Variants in GIP observed in about 807,000 individuals in gnomAD.
The protein encoded by GIP is glucose-dependent insulinotropic polypeptide.
Under a neutral mutation model 18.1 loss-of-function variants are expected in GIP, and 16 were observed. That is an observed-to-expected ratio of 0.88 (90% CI 0.60 to 1.34). GIP has a LOEUF of 1.34. GIP is among the 40% of genes most tolerant of loss of function. GIP has a pLI of 0.00. For synonymous variants in GIP, 76 were observed against 74.0 expected, an observed-to-expected ratio of 1.03 and a Z score of -0.14; for missense variants, 192 against 183.4, an observed-to-expected ratio of 1.05 and a Z score of -0.27.
At chr17:48,966,192 G>A (rs1398364135) in intron 2 of GIP, among the ~76,000 whole-genome samples, 1 of 151,122 alleles carries the variant, frequency 6.6e-6, no homozygotes, top group Non-Finnish European at 1.5e-5. Context: ...GGGAGGCGGA[G>A]GTTGCAGTGA....
chr17:48,966,346 A>G (rs1222040336), intron 2 of GIP, among the ~76,000 whole-genome samples: 1 of 151,600 alleles, frequency 6.6e-6, no homozygotes, highest in Non-Finnish European at 1.5e-5. Flanking sequence ...ATCTAAGGTC[A>G]GGAGTTCGAG....
rs112879333 is a variant in GIP, at chr17:48,967,125, C to T, written c.86+22G>A. 1,059 of 1,550,994 alleles carry T rather than the reference C, an allele frequency of 6.8e-4. 8 individuals are homozygous for T. The African/African-American group carries it at 0.013, about 19-fold the overall frequency. On this transcript the variant is annotated intron_variant, in intron 2 of 5. Transcript: ENST00000357424. ...CCCCTAACCCCTCCTCTGCCCCATC[C>T]CTTTCCTCTCACCACTCCTACCTGA... is the stretch of plus-strand genomic sequence containing the variant.
chr17:48,961,015 A>C lies in GIP; in HGVS notation c.351-28T>G, dbSNP rs187490606. 7.3e-5 allele frequency: 110 copies of C among 1,514,540 alleles called. 1 individual carries two copies. The East Asian group carries it at 1.9e-3, about 27-fold the overall frequency. The allele number at this position is 1,514,540 out of a possible 1,614,324, so 93.8% of individuals were successfully genotyped here. The stretch of plus-strand genomic sequence containing the variant: ...GCAAGGGAACAGTCTCTGGCTAACT[A>C]TTTTAGCCTGAGCTTCGCCCAGAGA... On this transcript the variant is annotated intron_variant, in intron 4 of 5. Transcript: ENST00000357424.
chr17:48,967,197 C>A lies in GIP; in HGVS notation c.36G>T (p.Leu12=). 6.2e-7 allele frequency: 1 copy of A among 1,613,054 alleles called. No homozygotes were observed. Among genetic ancestry groups the A allele is most frequent in the African/African-American group, 1.3e-5 (1 of 75,002 alleles). ...CTAGTCCCACTGCCAGGAACAGGGA[C>A]AGCAGCAGCAGAGCAAAGGTCTTCG... ...VATKTFALLL[L]SLFLAVGLGE... Residue 12 remains leucine, a synonymous_variant, in exon 2 of 6, where the codon CTG becomes CTT. Coordinates refer to ENST00000357424, the MANE Select transcript of GIP (RefSeq NM_004123.3).
In GIP at chr17:48,967,802, A is replaced by T. The variant is rs945937768; in HGVS notation, c.-21-549T>A. ...TGCAGTGGCTCATGCCTGCAATCCCAGCACTTTGGGAGGCCCAGGTGGGCG... is the reference window on the plus strand; with the variant it reads ...TGCAGTGGCTCATGCCTGCAATCCCTGCACTTTGGGAGGCCCAGGTGGGCG... On this transcript the variant is annotated intron_variant, in intron 1 of 5. Coordinates refer to ENST00000357424, the MANE Select transcript of GIP (RefSeq NM_004123.3). 2.0e-5 allele frequency among the ~76,000 whole-genome samples: 3 copies of T among 149,398 alleles called. No individual in the cohort carries two copies. The South Asian group carries it at 6.5e-4, about 32-fold the overall frequency.
At chr17:48,961,099 C>T (rs2041198546) in intron 4 of GIP, 112 bp from the exon 5 acceptor site, 7 of 645,402 alleles carry the variant, frequency 1.1e-5, no homozygotes, top group Admixed American at 3.0e-5. Flanking sequence ...GGGAGGGAGC[C>T]GACACAGCTA....
rs2041202271 is a variant in GIP, at chr17:48,961,808, T to A, written c.269A>T (p.Asn90Ile). Residue 90 changes from asparagine (N) to isoleucine (I), a missense_variant, in exon 4 of 6, where the codon AAC becomes ATC. Coordinates refer to ENST00000357424, the MANE Select transcript of GIP (RefSeq NM_004123.3). ...CGCCCGAGCCTCCCTCTGGGTGATG[T>A]TGTGTTTCCAGCTGGGAAGATAAAG... ...QKGKKNDWKHNITQREARALE... is the reference protein window; with the variant it reads ...QKGKKNDWKHIITQREARALE... The A allele has an allele frequency of 6.2e-7, 1 of 1,611,904 alleles. No homozygotes were observed. Among genetic ancestry groups the A allele is most frequent in the South Asian group, 1.1e-5 (1 of 90,972 alleles).
chr17:48,961,780 C>T lies in GIP; in HGVS notation c.297G>A (p.Leu99=). 1 of 1,613,080 alleles carries T rather than the reference C, an allele frequency of 6.2e-7. No individual in the cohort carries two copies. Among genetic ancestry groups the T allele is most frequent in the Non-Finnish European group, 8.5e-7 (1 of 1,179,808 alleles). The part of the protein sequence containing the change: ...HNITQREARA[L]ELASQANRKE... Reference sequence around the variant, plus strand: ...TCCTATTAGCTTGACTGGCCAGCTCCAGCGCCCGAGCCTCCCTCTGGGTGA... The same window carrying T: ...TCCTATTAGCTTGACTGGCCAGCTCTAGCGCCCGAGCCTCCCTCTGGGTGA... The change falls in exon 4 of 6, where the codon CTG becomes CTA. Residue 99 remains leucine, a synonymous_variant. Coordinates refer to ENST00000357424, the MANE Select transcript of GIP (RefSeq NM_004123.3).
intron 2 of GIP, among the ~76,000 whole-genome samples, chr17:48,965,023 C>T (rs1183300438): frequency 6.6e-6 from 1 of 151,284 alleles, no homozygotes; most frequent in African/African-American, 2.4e-5. Context: ...CCTGTAGCCC[C>T]GGCTACTCGG....
intron 5 of GIP, among the ~76,000 whole-genome samples, chr17:48,959,000 G>A (rs146878322): frequency 3.3e-5 from 5 of 151,558 alleles, no homozygotes; most frequent in African/African-American, 1.2e-4. Context: ...GACTACAGGC[G>A]CCCGCCTCCA....
chr17:48,967,437 G>GC (rs1439617646), intron 1 of GIP, among the ~76,000 whole-genome samples, 184 bp from the exon 2 acceptor site: 1 of 146,490 alleles, frequency 6.8e-6, no homozygotes, highest in African/African-American at 2.6e-5. Context: ...TTGGCTCACT[G>GC]CAACCTCCAC....
At chr17:48,967,107 C>G (rs754861560) in intron 2 of GIP, 40 bp downstream of exon 2, 2 of 1,422,046 alleles carry the variant, frequency 1.4e-6, no homozygotes, top group Non-Finnish European at 2.0e-6. Context: ...CATCCCCTAA[C>G]CCCTCCTCTG....
chr17:48,966,180 C>G (rs549945681), intron 2 of GIP, among the ~76,000 whole-genome samples: 15 of 150,260 alleles, frequency 1.0e-4, no homozygotes, highest in African/African-American at 3.2e-4. Context: ...TTGCTTGAAC[C>G]CGGGAGGCGG....
At chr17:48,967,744 A>G (rs551703165) in intron 1 of GIP, among the ~76,000 whole-genome samples, 11 of 151,470 alleles carry the variant, frequency 7.3e-5, no homozygotes, top group African/African-American at 7.3e-5. Context: ...TAGAAGGGAC[A>G]TGGAATCTTA....
chr17:48,958,717 C>G lies in GIP; in HGVS notation c.453-1G>C. On this transcript the variant is annotated splice_acceptor_variant, in intron 5 of 5. Coordinates refer to ENST00000357424, the MANE Select transcript of GIP (RefSeq NM_004123.3). LOFTEE classifies it high-confidence loss of function. ...TGGGTGTGGTCAGAGTCACCGAGAC[C>G]TGGGGAGAGTGGGGAAAGGAGAAGA... 6.3e-7 allele frequency: 1 copy of G among 1,581,390 alleles called. No homozygotes were observed. The highest frequency in any genetic ancestry group is 2.3e-5 in the East Asian group (1 of 43,126).
intron 5 of GIP, 57 bp downstream of exon 5, chr17:48,960,828 TC>T (rs1233843528): frequency 2.0e-6 from 2 of 1,016,952 alleles, no homozygotes; most frequent in African/African-American, 3.2e-5. Flanking sequence ...AAGATCTGAA[TC>T]CATGTCTGAT....
At chr17:48,966,571 G>C (rs1373705091) in intron 2 of GIP, among the ~76,000 whole-genome samples, 1 of 150,084 alleles carries the variant, frequency 6.7e-6, no homozygotes, top group Non-Finnish European at 1.5e-5. Context: ...CAAAAAAAAA[G>C]AAAAAGAAAA....
At chr17:48,961,220 T>A (rs2041199107) in intron 4 of GIP, among the ~76,000 whole-genome samples, 1 of 152,046 alleles carries the variant, frequency 6.6e-6, no homozygotes, top group African/African-American at 2.4e-5. Context: ...CAAACAGAAT[T>A]CTGGTATGAG....
chr17:48,964,379 A>T lies in GIP; in HGVS notation c.188T>A (p.Ile63Asn). The T allele has an allele frequency of 6.2e-7, 1 of 1,613,864 alleles. No homozygotes were observed. The highest frequency in any genetic ancestry group is 8.5e-7 in the Non-Finnish European group (1 of 1,179,826). Reference sequence around the variant, plus strand: ...TTGTTGGTGAATCTTGTCCATGGCAATACTGTAGTCACTGATGAAAGTCCC... The same window carrying T: ...TTGTTGGTGAATCTTGTCCATGGCATTACTGTAGTCACTGATGAAAGTCCC... ...AEGTFISDYS[I>N]AMDKIHQQDF... Residue 63 changes from isoleucine (I) to asparagine (N), a missense_variant, in exon 3 of 6, where the codon ATT (isoleucine) becomes AAT (asparagine). Physicochemically the swap from Ile to Asn is moderately radical, Grantham distance 149. Transcript: ENST00000357424.
Sources: gnomAD v4.1 joint callset for allele counts (sites outside exome capture counted in the v4.1 genomes callset) on GRCh38, gnomAD v4.1.1 for gene constraint, MANE v1.5 for transcripts, NCBI Gene and HGNC (gene_info 2026-07-23, HGNC 2026-07-21) for gene names.